ST18: variants seen among roughly 807,000 people sequenced by gnomAD.
ST18 encodes the protein suppression of tumorigenicity 18 protein.
In ST18, 50 loss-of-function variants were observed where a neutral mutation model predicts 110.0. The ratio of observed to expected loss-of-function variants is 0.45; its 90% confidence interval spans 0.36 to 0.58. The LOEUF (loss-of-function observed/expected upper bound fraction) is 0.58, where lower values mean the gene tolerates loss of function less well. Among genes scored for constraint, ST18 ranks in the 20% least tolerant of loss-of-function variants. ST18 has a pLI of 0.00. For synonymous variants in ST18, 461 were observed against 452.4 expected (o/e 1.02, Z -0.24); for missense variants, 1,306 against 1,280.1 (o/e 1.02, Z -0.31).
In ST18 at chr8:52,277,557, T is replaced by A. The variant is rs138246897; in HGVS notation, c.-464-47480A>T. On this transcript the variant is annotated intron_variant, in intron 2 of 25. Transcript: ENST00000689386. ...ATCATTTTATCTATGTTTGTGGTTT[T>A]GATCATCTATGTTTTGCCTCATTGG... Among the ~76,000 whole-genome samples the A allele has an allele frequency of 2.5e-3, 381 of 152,362 alleles. 1 individual carries two copies. Among genetic ancestry groups the A allele is most frequent in the African/African-American group, 8.7e-3 (360 of 41,586 alleles).
At chr8:52,204,301 G>A (rs1406140616) in intron 8 of ST18, among the ~76,000 whole-genome samples, 2 of 152,298 alleles carry the variant, frequency 1.3e-5, no homozygotes, top group East Asian at 3.9e-4. Flanking sequence ...CTGAAAATTA[G>A]CAATGGTGAG....
intron 16 of ST18, among the ~76,000 whole-genome samples, 178 bp downstream of exon 16, chr8:52,149,554 G>A (rs1251600062): frequency 6.6e-6 from 1 of 152,204 alleles, no homozygotes; most frequent in Non-Finnish European, 1.5e-5. Flanking sequence ...ATAAAAGTTG[G>A]ATTTGTTAAT....
chr8:52,329,857 G>T (rs1018996318), intron 2 of ST18, among the ~76,000 whole-genome samples: 1 of 152,152 alleles, frequency 6.6e-6, no homozygotes, highest in Non-Finnish European at 1.5e-5. Flanking sequence ...GGTTAAAAAG[G>T]TTGCAAAATA....
intron 2 of ST18, among the ~76,000 whole-genome samples, chr8:52,272,550 A>G (rs931999734): frequency 1.4e-5 from 2 of 143,640 alleles, no homozygotes; most frequent in Admixed American, 6.7e-5. Context: ...GCGATTATAG[A>G]CAACAACAAA....
At chr8:52,235,072 C>G (rs1455974427) in intron 2 of ST18, among the ~76,000 whole-genome samples, 1 of 151,944 alleles carries the variant, frequency 6.6e-6, no homozygotes, top group East Asian at 2.0e-4. Flanking sequence ...AAAAAATTTA[C>G]TTGTGTAACC....
intron 8 of ST18, among the ~76,000 whole-genome samples, chr8:52,205,568 A>G (rs1000296535): frequency 6.6e-6 from 1 of 151,948 alleles, no homozygotes; most frequent in Non-Finnish European, 1.5e-5. Context: ...TTTTAATTTT[A>G]TTTGTATTTT....
intron 2 of ST18, among the ~76,000 whole-genome samples, chr8:52,290,642 C>A (rs965920692): frequency 1.3e-5 from 2 of 152,106 alleles, no homozygotes; most frequent in Non-Finnish European, 2.9e-5. Flanking sequence ...TAGGACCAAG[C>A]ATGAGGTGTG....
intron 15 of ST18, among the ~76,000 whole-genome samples, chr8:52,157,473 G>T (rs2060321313): frequency 6.6e-6 from 1 of 151,904 alleles, no homozygotes; most frequent in Admixed American, 6.6e-5. Context: ...CCAAGCAGAT[G>T]GCTACTAGAA....
chr8:52,391,872 G>A (rs974004316), intron 2 of ST18, among the ~76,000 whole-genome samples: 5 of 152,146 alleles, frequency 3.3e-5, no homozygotes, highest in African/African-American at 1.2e-4. Flanking sequence ...ATAATGGAAA[G>A]GACAGGGAAG....
intron 15 of ST18, among the ~76,000 whole-genome samples, chr8:52,154,229 C>T (rs957119434): frequency 3.9e-5 from 6 of 152,246 alleles, no homozygotes; most frequent in Non-Finnish European, 7.3e-5. Context: ...AGGGTTCTCA[C>T]CGCCCAGAGG....
At chr8:52,218,382 T>C (rs1030434941) in intron 5 of ST18, among the ~76,000 whole-genome samples, 22 of 138,316 alleles carry the variant, frequency 1.6e-4, no homozygotes, top group African/African-American at 6.2e-4. Context: ...GCTACTCTTT[T>C]TTTTTCTTTT....
At chr8:52,170,548 A>G (rs1374018882) in intron 10 of ST18, among the ~76,000 whole-genome samples, 2 of 152,088 alleles carry the variant, frequency 1.3e-5, no homozygotes, top group Non-Finnish European at 2.9e-5. Flanking sequence ...TATATCAGAA[A>G]TTGTGGATTT....
At chr8:52,370,468 G>T (rs900227301) in intron 2 of ST18, among the ~76,000 whole-genome samples, 1 of 152,056 alleles carries the variant, frequency 6.6e-6, no homozygotes, top group South Asian at 2.1e-4. Context: ...CTGCTTAGAG[G>T]GGGGAAGCTA....
At chr8:52,277,154 G>A (rs1252415498) in intron 2 of ST18, among the ~76,000 whole-genome samples, 1 of 152,220 alleles carries the variant, frequency 6.6e-6, no homozygotes, top group Non-Finnish European at 1.5e-5. Context: ...ATGGGGTGGC[G>A]AGGTGCTGAG....
intron 12 of ST18, among the ~76,000 whole-genome samples, chr8:52,164,722 T>A (rs933716326): frequency 6.6e-6 from 1 of 152,246 alleles, no homozygotes; most frequent in African/African-American, 2.4e-5. Context: ...TGATTTATAG[T>A]TACAACCATT....
chr8:52,134,035 A>T (rs932682817), intron 19 of ST18, among the ~76,000 whole-genome samples: 1 of 152,068 alleles, frequency 6.6e-6, no homozygotes, highest in Non-Finnish European at 1.5e-5. Context: ...CCCGCCTCCA[A>T]ATGATTTTTA....
chr8:52,146,924 G>A (rs763394745), intron 16 of ST18, among the ~76,000 whole-genome samples: 4 of 152,136 alleles, frequency 2.6e-5, no homozygotes, highest in Admixed American at 6.5e-5. Flanking sequence ...TCAGATAACT[G>A]GGACAATAAG....
chr8:52,173,749 G>A (rs2065867327), intron 9 of ST18, among the ~76,000 whole-genome samples: 1 of 152,202 alleles, frequency 6.6e-6, no homozygotes, highest in Admixed American at 6.5e-5. Flanking sequence ...GAAGCACCCA[G>A]TAATATGCCC....
At chr8:52,319,102 T>TA (rs1413429522) in intron 2 of ST18, among the ~76,000 whole-genome samples, 2 of 152,098 alleles carry the variant, frequency 1.3e-5, no homozygotes, top group African/African-American at 4.8e-5. Flanking sequence ...GTTGGAAATT[T>TA]AAAAAAAATT....
Sources: gnomAD v4.1 joint callset for allele counts (sites outside exome capture counted in the v4.1 genomes callset) on GRCh38, gnomAD v4.1.1 for gene constraint, MANE v1.5 for transcripts, NCBI Gene and HGNC (gene_info 2026-07-23, HGNC 2026-07-21) for gene names.